Variants in DCC observed in about 807,000 individuals in gnomAD.
DCC encodes DCC netrin 1 receptor.
DCC carries 58 observed loss-of-function variants against 172.5 expected under a neutral mutation model. The observed-to-expected ratio is 0.34, with a 90% CI of 0.27 to 0.42. DCC has a LOEUF of 0.42. Among genes scored for constraint, DCC ranks in the 10% least tolerant of loss-of-function variants. The probability of loss-of-function intolerance (pLI) is 1.00; values close to 1 mark genes in which losing one functional copy is unlikely to be tolerated. For synonymous variants in DCC, 709 were observed against 644.5 expected, an observed-to-expected ratio of 1.10 and a Z score of -1.52; for missense variants, 1,740 against 1,791.0, an observed-to-expected ratio of 0.97 and a Z score of 0.51.
intron 5 of DCC, among the ~76,000 whole-genome samples, chr18:52,935,327 TATG>T (rs1037699911): frequency 6.6e-6 from 1 of 152,064 alleles, no homozygotes; most frequent in African/African-American, 2.4e-5. Flanking sequence ...AAGTGTAAGG[TATG>T]ATATATATTT....
intron 16 of DCC, among the ~76,000 whole-genome samples, chr18:53,391,398 C>T (rs957597327): frequency 6.6e-6 from 1 of 152,092 alleles, no homozygotes; most frequent in African/African-American, 2.4e-5. Flanking sequence ...AAGTGACAGT[C>T]AAATTGATAA....
intron 1 of DCC, among the ~76,000 whole-genome samples, chr18:52,712,376 G>T (rs77592611): frequency 6.6e-6 from 1 of 152,006 alleles, no homozygotes; most frequent in African/African-American, 2.4e-5. Flanking sequence ...ACTTGTAATC[G>T]TTAGCAACCA....
At chr18:52,474,206 T>TAGAGAGAGAGAGAGAGAGAG (rs61277582) in intron 1 of DCC, among the ~76,000 whole-genome samples, 9 of 100,714 alleles carry the variant, frequency 8.9e-5, no homozygotes, top group African/African-American at 3.3e-4. Flanking sequence ...GTAACAGACC[T>TAGAGAGAGAGAGAGAGAGAG]AGAGAGAGAG....
intron 25 of DCC, among the ~76,000 whole-genome samples, chr18:53,477,142 G>A (rs1449253585): frequency 6.6e-6 from 1 of 152,052 alleles, no homozygotes; most frequent in East Asian, 1.9e-4. Flanking sequence ...CTGAGTATAT[G>A]GAACTACAGA....
chr18:52,782,569 C>G lies in DCC; in HGVS notation c.412+30195C>G, dbSNP rs1013119536. ...CTTCTTGCATACATACTCACCCTTT[C>G]TAGCCAAGGACTTGCATTCAATCCC... On this transcript the variant is annotated intron_variant, in intron 2 of 28. Transcript: ENST00000442544. Among the ~76,000 whole-genome samples, 3 of 152,224 alleles carry G rather than the reference C, an allele frequency of 2.0e-5. No homozygotes were observed. In the East Asian group the frequency reaches 5.8e-4, roughly 29 times the overall value.
chr18:52,864,692 C>T (rs532508238), intron 2 of DCC, among the ~76,000 whole-genome samples: 1 of 150,974 alleles, frequency 6.6e-6, no homozygotes, highest in African/African-American at 2.4e-5. Flanking sequence ...AGCCCCCAAT[C>T]CCCCCAACAG....
At chr18:53,056,759 C>A (rs1349863851) in intron 5 of DCC, among the ~76,000 whole-genome samples, 1 of 152,040 alleles carries the variant, frequency 6.6e-6, no homozygotes, top group Non-Finnish European at 1.5e-5. Flanking sequence ...AGAATCACAG[C>A]CACTCAAAGA....
intron 1 of DCC, among the ~76,000 whole-genome samples, chr18:52,743,351 A>G (rs2036853508): frequency 6.6e-6 from 1 of 152,332 alleles, no homozygotes; most frequent in African/African-American, 2.4e-5. Context: ...GAAGGCTCAA[A>G]CCCAGGGCAG....
At chr18:53,339,624 A>C in intron 14 of DCC, 89 bp from the exon 15 acceptor site, 1 of 977,952 alleles carries the variant, frequency 1.0e-6, no homozygotes, top group Non-Finnish European at 1.7e-6. Context: ...TGCATCTATG[A>C]AATATGATTT....
At chr18:52,733,017 C>T (rs930290185) in intron 1 of DCC, among the ~76,000 whole-genome samples, 13 of 152,050 alleles carry the variant, frequency 8.5e-5, no homozygotes, top group African/African-American at 2.9e-4. Flanking sequence ...CTGTAAATGT[C>T]CCCTGTTTGT....
intron 11 of DCC, among the ~76,000 whole-genome samples, chr18:53,210,234 A>G (rs1374508886): frequency 1.3e-5 from 2 of 152,154 alleles, no homozygotes; most frequent in African/African-American, 2.4e-5. Context: ...GAAGCTGTTC[A>G]TGCTGAGGTC....
chr18:52,986,247 C>T (rs2041290858), intron 5 of DCC, among the ~76,000 whole-genome samples: 1 of 152,088 alleles, frequency 6.6e-6, no homozygotes, highest in Admixed American at 6.6e-5. Flanking sequence ...CTCATTCCTA[C>T]CTGCGAAAAT....
intron 2 of DCC, among the ~76,000 whole-genome samples, chr18:52,795,772 T>C (rs1341057210): frequency 6.6e-6 from 1 of 152,036 alleles, no homozygotes; most frequent in Admixed American, 6.6e-5. Flanking sequence ...CTACATTCCA[T>C]TGGTTTTGGC....
At chr18:53,292,678 A>T (rs2057020400) in intron 12 of DCC, among the ~76,000 whole-genome samples, 1 of 152,222 alleles carries the variant, frequency 6.6e-6, no homozygotes, top group Admixed American at 6.5e-5. Context: ...GACAAGAGCG[A>T]AACTCCGTCT....
chr18:52,815,059 C>T (rs767179183), intron 2 of DCC, among the ~76,000 whole-genome samples: 8 of 152,142 alleles, frequency 5.3e-5, no homozygotes, highest in South Asian at 4.2e-4. Flanking sequence ...GGACATCAAA[C>T]GGGGTGGGCT....
chr18:53,070,035 A>C (rs1014344987), intron 7 of DCC, among the ~76,000 whole-genome samples: 1 of 150,984 alleles, frequency 6.6e-6, no homozygotes, highest in Non-Finnish European at 1.5e-5. Flanking sequence ...GCTGGAGTGC[A>C]ATGGCACAAT....
chr18:52,937,248 T>C (rs2040394288), intron 5 of DCC, among the ~76,000 whole-genome samples: 1 of 152,152 alleles, frequency 6.6e-6, no homozygotes, highest in Non-Finnish European at 1.5e-5. Context: ...AATAAAATAA[T>C]ATATGACATT....
chr18:53,022,054 C>T (rs979122336), intron 5 of DCC, among the ~76,000 whole-genome samples: 11 of 152,138 alleles, frequency 7.2e-5, no homozygotes, highest in African/African-American at 2.2e-4. Context: ...TCTGTTTCTT[C>T]ATGTTTACAT....
In DCC at chr18:52,398,600, G is replaced by A. The variant is rs554191103; in HGVS notation, c.91+57722G>A. 2.6e-5 allele frequency among the ~76,000 whole-genome samples: 4 copies of A among 152,008 alleles called. No individual in the cohort carries two copies. The South Asian group carries it at 8.3e-4, about 32-fold the overall frequency. ...AATTGATGCTGGAAGAATACAGAGAGGCAACATATATGGTCTTATATCTAG... is the reference window on the plus strand; with the variant it reads ...AATTGATGCTGGAAGAATACAGAGAAGCAACATATATGGTCTTATATCTAG... On this transcript the variant is annotated intron_variant, in intron 1 of 28. Transcript: ENST00000442544.
Sources: gnomAD v4.1 joint callset for allele counts (sites outside exome capture counted in the v4.1 genomes callset) on GRCh38, gnomAD v4.1.1 for gene constraint, MANE v1.5 for transcripts, NCBI Gene and HGNC (gene_info 2026-07-23, HGNC 2026-07-21) for gene names.